ADAMTSL3: variants seen among roughly 807,000 people sequenced by gnomAD.
ADAMTSL3 encodes the protein ADAMTS like 3.
ADAMTSL3 carries 128 observed loss-of-function variants against 201.7 expected under a neutral mutation model. That is an observed-to-expected ratio of 0.63 (90% confidence interval 0.55 to 0.73). ADAMTSL3 has a LOEUF of 0.73. Among genes scored for constraint, ADAMTSL3 ranks in the 30% least tolerant of loss-of-function variants. The pLI is 0.00. For missense variants in ADAMTSL3, 1,990 were observed against 2,119.6 expected (o/e 0.94, Z 1.20); for synonymous variants, 738 against 748.4 (o/e 0.99, Z 0.23).
At chr15:83,803,023 A>T (rs1264632386) in intron 4 of ADAMTSL3, among the ~76,000 whole-genome samples, 1 of 152,230 alleles carries the variant, frequency 6.6e-6, no homozygotes, top group African/African-American at 2.4e-5. Context: ...TACCAAAATA[A>T]TGCTTGTATA....
At chr15:83,675,005 T>C (rs959465157) in intron 2 of ADAMTSL3, among the ~76,000 whole-genome samples, 1 of 151,852 alleles carries the variant, frequency 6.6e-6, no homozygotes, top group Non-Finnish European at 1.5e-5. Context: ...TTTGGAGTGA[T>C]GGTAAATGGT....
intron 23 of ADAMTSL3, among the ~76,000 whole-genome samples, chr15:83,996,594 A>T (rs143649433): frequency 0.011 from 1,734 of 152,032 alleles, 95 homozygotes; most frequent in Admixed American, 0.1. Context: ...ATCCTGGCTA[A>T]CATGGTGAAA....
Position 83,867,170 on chromosome 15 carries a change from A to C in ADAMTSL3, c.803-3632A>C, listed in dbSNP as rs556291884. Among the ~76,000 whole-genome samples, 4 of 152,352 alleles carry C rather than the reference A, an allele frequency of 2.6e-5. No homozygotes were observed. The East Asian group carries it at 7.7e-4, about 29-fold the overall frequency. On this transcript the variant is annotated intron_variant, in intron 8 of 29. Coordinates refer to ENST00000286744, the MANE Select transcript of ADAMTSL3 (RefSeq NM_207517.3). The stretch of plus-strand genomic sequence containing the variant: ...AATAAATCATTCTTTTAATATCCAC[A>C]TTAACTATAACTATCCAAAAGACTG...
chr15:84,028,425 AC>A (rs1340713184), intron 27 of ADAMTSL3, among the ~76,000 whole-genome samples: 1 of 152,304 alleles, frequency 6.6e-6, no homozygotes, highest in Non-Finnish European at 1.5e-5. Context: ...GACAGTAAAG[AC>A]CTTTTTAAGC....
intron 3 of ADAMTSL3, among the ~76,000 whole-genome samples, chr15:83,733,436 CTG>C (rs2062315255): frequency 6.6e-6 from 1 of 152,112 alleles, no homozygotes; most frequent in African/African-American, 2.4e-5. Context: ...TGGGTAGAGA[CTG>C]TGAGTCACAG....
intron 5 of ADAMTSL3, among the ~76,000 whole-genome samples, chr15:83,819,306 G>C (rs1030152674): frequency 6.7e-6 from 1 of 149,346 alleles, no homozygotes; most frequent in Admixed American, 6.7e-5. Flanking sequence ...ACAACCACAA[G>C]TGCTCACAGA....
chr15:83,704,184 C>T (rs1438256896), intron 2 of ADAMTSL3, among the ~76,000 whole-genome samples: 5 of 152,102 alleles, frequency 3.3e-5, no homozygotes, highest in African/African-American at 1.2e-4. Context: ...CAGTTTGATT[C>T]GGGCCACTGT....
chr15:84,011,725 CAAAAT>C (rs1016104111), intron 23 of ADAMTSL3, among the ~76,000 whole-genome samples: 3 of 152,034 alleles, frequency 2.0e-5, no homozygotes, highest in Non-Finnish European at 2.9e-5. Flanking sequence ...AAAAACTATT[CAAAAT>C]AATAAAGTTC....
intron 3 of ADAMTSL3, among the ~76,000 whole-genome samples, chr15:83,752,250 A>T (rs2062647826): frequency 2.0e-5 from 3 of 152,058 alleles, no homozygotes; most frequent in African/African-American, 7.2e-5. Context: ...TCGTTTTCAC[A>T]TTTTTTGGTA....
intron 3 of ADAMTSL3, among the ~76,000 whole-genome samples, chr15:83,716,823 T>G (rs1473592000): frequency 6.6e-6 from 1 of 152,196 alleles, no homozygotes; most frequent in Non-Finnish European, 1.5e-5. Flanking sequence ...AGGAATAGTA[T>G]TCCTAGTCCA....
intron 5 of ADAMTSL3, among the ~76,000 whole-genome samples, chr15:83,814,724 A>G (rs775444542): frequency 1.3e-5 from 2 of 152,214 alleles, no homozygotes; most frequent in African/African-American, 2.4e-5. Context: ...AAAATTTTAA[A>G]ATTTGCTTGT....
In ADAMTSL3 at chr15:83,902,568, C is replaced by A. The variant is rs560610746; in HGVS notation, c.1700+2837C>A. Among the ~76,000 whole-genome samples the A allele has an allele frequency of 1.1e-3, 162 of 152,284 alleles. 9 individuals are homozygous for A. In the South Asian group the frequency reaches 0.033, roughly 31 times the overall value. ...TACAGGTGTGAGCCACCGCACCTGG[C>A]CAAGTCTAATTCTTTCTTTGCAATG... On this transcript the variant is annotated intron_variant, in intron 15 of 29. Transcript: ENST00000286744.
chr15:83,776,071 G>A (rs145887726), intron 4 of ADAMTSL3, among the ~76,000 whole-genome samples: 14 of 152,284 alleles, frequency 9.2e-5, no homozygotes, highest in Non-Finnish European at 1.8e-4. Flanking sequence ...TGTTCTCTCA[G>A]CCCTTAAATT....
At chr15:83,963,848 G>A (rs190056711) in intron 19 of ADAMTSL3, among the ~76,000 whole-genome samples, 53 of 152,308 alleles carry the variant, frequency 3.5e-4, no homozygotes, top group African/African-American at 1.2e-3. Flanking sequence ...AGCATCTGCT[G>A]GTGATACTCA....
intron 19 of ADAMTSL3, among the ~76,000 whole-genome samples, chr15:83,969,171 C>A (rs759197467): frequency 6.6e-6 from 1 of 152,010 alleles, no homozygotes; most frequent in Admixed American, 6.6e-5. Flanking sequence ...AAAGGCCGGC[C>A]GTGGCTTCTC....
intron 15 of ADAMTSL3, among the ~76,000 whole-genome samples, chr15:83,901,789 A>G (rs1237045196): frequency 6.6e-6 from 1 of 152,132 alleles, no homozygotes. Flanking sequence ...ATCACCTACA[A>G]TCCTGTAAGG....
At chr15:83,828,613 A>C (rs1480948243) in intron 6 of ADAMTSL3, among the ~76,000 whole-genome samples, 9 of 152,184 alleles carry the variant, frequency 5.9e-5, no homozygotes, top group South Asian at 2.1e-4. Flanking sequence ...CCAGTTTTCA[A>C]AGGGAATGCT....
In ADAMTSL3 at chr15:83,838,220, G is replaced by T; in HGVS notation, c.727+5G>T. 1 of 1,611,804 alleles carries T rather than the reference G, an allele frequency of 6.2e-7. No individual in the cohort carries two copies. The highest frequency in any genetic ancestry group is 8.5e-7 in the Non-Finnish European group (1 of 1,179,038). On this transcript the variant is annotated splice_donor_5th_base_variant and intron_variant, in intron 7 of 29. Transcript: ENST00000286744. ...CACACGTTTCTCCTGAAAAAAGTAGGTTTTAAACCCAATACGTTATTACCA... is the reference window on the plus strand; with the variant it reads ...CACACGTTTCTCCTGAAAAAAGTAGTTTTTAAACCCAATACGTTATTACCA...
At chr15:83,697,281 A>G (rs758438988) in intron 2 of ADAMTSL3, among the ~76,000 whole-genome samples, 2 of 152,126 alleles carry the variant, frequency 1.3e-5, no homozygotes, top group African/African-American at 4.8e-5. Flanking sequence ...TCCATTTTCC[A>G]CTCAACACAG....
Sources: gnomAD v4.1 joint callset for allele counts (sites outside exome capture counted in the v4.1 genomes callset) on GRCh38, gnomAD v4.1.1 for gene constraint, MANE v1.5 for transcripts, NCBI Gene and HGNC (gene_info 2026-07-23, HGNC 2026-07-21) for gene names.